Variants in TEX11 observed in about 807,000 individuals in gnomAD.
The protein encoded by TEX11 is testis expressed 11, also known as testis-expressed protein 11.
In TEX11, 7 loss-of-function variants were observed where a neutral mutation model predicts 84.4. The ratio of observed to expected loss-of-function variants is 0.08; its 90% CI spans 0.05 to 0.16. TEX11 has a LOEUF of 0.16. Ranked by LOEUF, TEX11 falls within the 10% of genes least tolerant of loss-of-function variation. The pLI is 1.00. For synonymous variants in TEX11, 264 were observed against 222.8 expected (o/e 1.18, Z -1.64); for missense variants, 551 against 660.5 (o/e 0.83, Z 1.82).
At chrX:70,783,893 G>A (rs897470136) in intron 9 of TEX11, among the ~76,000 whole-genome samples, 3 of 111,538 alleles carry the variant, frequency 2.7e-5, no homozygotes, top group African/African-American at 9.8e-5. Context: ...AATTCTACCA[G>A]AGGTACAAAG....
At chrX:70,804,370 T>TTA (rs1199670576) in intron 9 of TEX11, among the ~76,000 whole-genome samples, 11 of 112,417 alleles carry the variant, frequency 9.8e-5, no homozygotes, top group African/African-American at 3.6e-4. Flanking sequence ...CTATTCACTG[T>TTA]GCTACAATTC....
At chrX:70,588,421 T>C (rs1427771667) in intron 25 of TEX11, among the ~76,000 whole-genome samples, 2 of 111,363 alleles carry the variant, frequency 1.8e-5, no homozygotes, top group Non-Finnish European at 3.8e-5. Flanking sequence ...TGAGATCTGA[T>C]GGTTTTATAA....
At chrX:70,781,535 T>A (rs1339356241) in intron 9 of TEX11, among the ~76,000 whole-genome samples, 3 of 111,630 alleles carry the variant, frequency 2.7e-5, no homozygotes, top group Non-Finnish European at 5.6e-5. Context: ...AAGAAGCATG[T>A]TCCAATCCAT....
At chrX:70,594,501 CAT>C (rs1178653596) in intron 24 of TEX11, among the ~76,000 whole-genome samples, 3 of 110,820 alleles carry the variant, frequency 2.7e-5, no homozygotes, top group Admixed American at 9.6e-5. Context: ...TATATATACA[CAT>C]ATATGTGAAT....
At chrX:70,570,302 C>T (rs895185026) in intron 25 of TEX11, among the ~76,000 whole-genome samples, 10 of 111,825 alleles carry the variant, frequency 8.9e-5, no homozygotes, top group East Asian at 2.8e-4. Context: ...TTCCAGGTGC[C>T]GTCTGTCACC....
chrX:70,668,556 T>C (rs984094800), intron 16 of TEX11, among the ~76,000 whole-genome samples: 38 of 112,590 alleles, frequency 3.4e-4, no homozygotes, highest in East Asian at 5.6e-4. Context: ...AAATATCCTT[T>C]GGTTTCACCA....
chrX:70,725,417 C>A, intron 11 of TEX11, 74 bp from the exon 12 acceptor site: 1 of 661,202 alleles, frequency 1.5e-6, no homozygotes, highest in Non-Finnish European at 2.3e-6. Context: ...TAATTGCCTG[C>A]TTTATTCAAC....
At chrX:70,805,911 C>A (rs1020159379) in intron 9 of TEX11, among the ~76,000 whole-genome samples, 3 of 111,846 alleles carry the variant, frequency 2.7e-5, no homozygotes, top group African/African-American at 9.7e-5. Context: ...AGATAAAGCA[C>A]AACACTCCAA....
At chrX:70,847,955 T>A (rs1301894484) in intron 7 of TEX11, among the ~76,000 whole-genome samples, 1 of 112,045 alleles carries the variant, frequency 8.9e-6, no homozygotes, top group African/African-American at 3.2e-5. Context: ...ATTCAATGGT[T>A]CAAGTCCTTC....
At chrX:70,689,096 T>C (rs1242811576) in intron 13 of TEX11, among the ~76,000 whole-genome samples, 1 of 110,481 alleles carries the variant, frequency 9.1e-6, no homozygotes, top group African/African-American at 3.3e-5. Context: ...AAAAATTAAG[T>C]AAATGAATGA....
At chrX:70,883,543 G>A (rs2091694020) in intron 2 of TEX11, among the ~76,000 whole-genome samples, 1 of 111,329 alleles carries the variant, frequency 9.0e-6, no homozygotes, top group Non-Finnish European at 1.9e-5. Context: ...TTGTGATCAC[G>A]CCATTGCACT....
At chrX:70,841,857 A>G (rs1342765870) in intron 7 of TEX11, among the ~76,000 whole-genome samples, 39 of 111,916 alleles carry the variant, frequency 3.5e-4, no homozygotes, top group African/African-American at 1.3e-3. Flanking sequence ...AAACACCTCT[A>G]CGCAAATAAA....
At chrX:70,695,644 T>A (rs1050856119) in intron 13 of TEX11, among the ~76,000 whole-genome samples, 1 of 112,176 alleles carries the variant, frequency 8.9e-6, no homozygotes, top group African/African-American at 3.2e-5. Flanking sequence ...TAAAGCTGTT[T>A]TAAAAAACAA....
chrX:70,665,986 T>C (rs188046158), intron 16 of TEX11, among the ~76,000 whole-genome samples: 197 of 111,828 alleles, frequency 1.8e-3, no homozygotes, highest in Non-Finnish European at 3.3e-3. Context: ...AAGAAGTTGA[T>C]TGACAGGTAT....
chrX:70,883,945 T>C (rs1205823322), intron 2 of TEX11, among the ~76,000 whole-genome samples: 1 of 111,753 alleles, frequency 8.9e-6, no homozygotes, highest in Non-Finnish European at 1.9e-5. Flanking sequence ...GTGACCTCCA[T>C]CAGCTCAACC....
intron 9 of TEX11, among the ~76,000 whole-genome samples, chrX:70,748,581 T>C (rs1602094255): frequency 9.1e-6 from 1 of 109,463 alleles, no homozygotes; most frequent in African/African-American, 3.3e-5. Flanking sequence ...TTAATCCATC[T>C]TGAATTGATT....
At chrX:70,893,514 G>C (rs2091750588) in intron 2 of TEX11, among the ~76,000 whole-genome samples, 3 of 111,779 alleles carry the variant, frequency 2.7e-5, no homozygotes, top group Non-Finnish European at 5.6e-5. Context: ...GAAGTTGTTT[G>C]AAACCAATGA....
chrX:70,668,767 T>C (rs1159866092), intron 16 of TEX11, among the ~76,000 whole-genome samples: 1 of 112,307 alleles, frequency 8.9e-6, no homozygotes, highest in Non-Finnish European at 1.9e-5. Flanking sequence ...CTCAGAAAAC[T>C]GTATCTAGTC....
chrX:70,758,865 G>T (rs1376752894), intron 9 of TEX11, among the ~76,000 whole-genome samples: 4 of 111,275 alleles, frequency 3.6e-5, no homozygotes, highest in Non-Finnish European at 5.7e-5. Flanking sequence ...TAGATAGACT[G>T]CTAGCAAGAC....
Sources: allele counts gnomAD v4.1 joint callset (sites outside exome capture counted in the v4.1 genomes callset), GRCh38; gene constraint gnomAD v4.1.1; transcripts MANE v1.5; gene names NCBI Gene and HGNC (gene_info 2026-07-23, HGNC 2026-07-21).